The following ZFHX3 variants were observed in gnomAD, a reference collection of about 807,000 sequenced individuals.
ZFHX3 encodes zinc finger homeobox 3.
A neutral mutation model predicts 279.1 loss-of-function variants in ZFHX3; 42 were observed. The observed-to-expected ratio is 0.15, with a 90% CI of 0.12 to 0.19. The LOEUF is 0.19. Among genes scored for constraint, ZFHX3 ranks in the 10% least tolerant of loss-of-function variants. ZFHX3 has a pLI of 1.00. For synonymous variants in ZFHX3, 2,293 were observed against 1,957.8 expected (o/e 1.17, Z -4.52); for missense variants, 4,981 against 4,754.0 (o/e 1.05, Z -1.40).
rs574357922 is a variant in ZFHX3 at position 73,246,788 on chromosome 16, A to C, written c.-1104+10259T>G. ...AACTGACTTCGGTTCCTATATAATA[A>C]AGTTTTATACAAACTAGTAATTCTA... On this transcript the variant is annotated intron_variant, in intron 5 of 17. Transcript: ENST00000641206. Among the ~76,000 whole-genome samples, 30 of 152,308 alleles carry C rather than the reference A, an allele frequency of 2.0e-4. 1 individual carries two copies. Among genetic ancestry groups the C allele is most frequent in the Admixed American group, 5.2e-4 (8 of 15,294 alleles).
At chr16:73,653,420 T>G (rs1180229758) in intron 2 of ZFHX3, among the ~76,000 whole-genome samples, 2 of 152,036 alleles carry the variant, frequency 1.3e-5, no homozygotes, top group Non-Finnish European at 2.9e-5. Context: ...TAAACAGAAA[T>G]CATTAAACAA....
chr16:73,449,969 C>A (rs1200737865), intron 3 of ZFHX3, among the ~76,000 whole-genome samples: 1 of 151,952 alleles, frequency 6.6e-6, no homozygotes, highest in Non-Finnish European at 1.5e-5. Flanking sequence ...CAATGTCTAC[C>A]CATTAAATGC....
At chr16:73,747,582 T>TAAC (rs966737232) in intron 1 of ZFHX3, among the ~76,000 whole-genome samples, 2 of 152,080 alleles carry the variant, frequency 1.3e-5, no homozygotes, top group Admixed American at 6.6e-5. Context: ...CCTATGGATT[T>TAAC]AACAACAACA....
intron 3 of ZFHX3, among the ~76,000 whole-genome samples, chr16:73,425,524 G>C (rs1400089669): frequency 1.3e-5 from 2 of 152,202 alleles, no homozygotes; most frequent in Non-Finnish European, 2.9e-5. Flanking sequence ...CTTATGGCTG[G>C]TATGTAGAAA....
chr16:72,822,510 T>A (rs1567533778), intron 5 of ZFHX3, among the ~76,000 whole-genome samples: 1 of 152,010 alleles, frequency 6.6e-6, no homozygotes, highest in East Asian at 1.9e-4. Context: ...TGCTCTAATA[T>A]CCCCCATGGA....
At chr16:73,316,209 A>C (rs1357882717) in intron 4 of ZFHX3, among the ~76,000 whole-genome samples, 1 of 152,256 alleles carries the variant, frequency 6.6e-6, no homozygotes, top group Non-Finnish European at 1.5e-5. Context: ...TCTATCTTGC[A>C]GTATAACCCT....
intron 4 of ZFHX3, among the ~76,000 whole-genome samples, chr16:72,875,151 C>G (rs955576413): frequency 2.6e-5 from 4 of 152,260 alleles, no homozygotes; most frequent in African/African-American, 4.8e-5. Flanking sequence ...CTGCCCCTTA[C>G]TGGCTCAGGG....
intron 2 of ZFHX3, among the ~76,000 whole-genome samples, chr16:73,555,769 T>C (rs112005634): frequency 0.027 from 4,082 of 150,526 alleles, 199 homozygotes; most frequent in African/African-American, 0.095. Flanking sequence ...GAGGCGGAGG[T>C]TGCAGTGATC....
chr16:72,803,346 A>G (rs1280129397), intron 7 of ZFHX3, among the ~76,000 whole-genome samples: 1 of 152,054 alleles, frequency 6.6e-6, no homozygotes, highest in African/African-American at 2.4e-5. Flanking sequence ...CAATCAATCA[A>G]TCAATCCATC....
At chr16:73,166,490 C>T (rs1967371095) in intron 5 of ZFHX3, among the ~76,000 whole-genome samples, 1 of 150,856 alleles carries the variant, frequency 6.6e-6, no homozygotes, top group South Asian at 2.1e-4. Context: ...TAGACGAAGC[C>T]ACCAAGAGAG....
intron 2 of ZFHX3, among the ~76,000 whole-genome samples, chr16:73,594,752 G>A (rs888574150): frequency 6.6e-6 from 1 of 152,188 alleles, no homozygotes; most frequent in African/African-American, 2.4e-5. Context: ...ATATTTTATC[G>A]TGTAGTTCCA....
rs564605897 is a variant in ZFHX3, at chr16:72,784,113, C to T, written c.*3051G>A. 5.9e-5 allele frequency: 9 copies of T among 152,668 alleles called. No individual in the cohort carries two copies. The highest frequency in any genetic ancestry group is 1.2e-4 in the Non-Finnish European group (8 of 68,032). The allele number at this position is 152,668 out of a possible 1,614,324, so 9.5% of individuals were successfully genotyped here. ...AACAATCACATAACCCCTCTGAGAACACTAGGTGGGTGGAAGTGTGCTCAG... is the reference window on the plus strand; with the variant it reads ...AACAATCACATAACCCCTCTGAGAATACTAGGTGGGTGGAAGTGTGCTCAG... On this transcript the variant is annotated 3_prime_UTR_variant, in exon 10 of 10. Transcript: ENST00000268489.
chr16:73,821,680 G>A (rs1290935376), intron 1 of ZFHX3, among the ~76,000 whole-genome samples: 1 of 152,224 alleles, frequency 6.6e-6, no homozygotes, highest in Non-Finnish European at 1.5e-5. Flanking sequence ...AGATTGTGAA[G>A]TTTACACTTA....
intron 1 of ZFHX3, among the ~76,000 whole-genome samples, chr16:73,024,837 G>A (rs1964437702): frequency 6.6e-6 from 1 of 152,192 alleles, no homozygotes; most frequent in South Asian, 2.1e-4. Context: ...GGACCAGAGG[G>A]TCTGGCTGTG....
intron 1 of ZFHX3, among the ~76,000 whole-genome samples, chr16:72,977,067 G>A (rs1025336216): frequency 1.3e-4 from 20 of 152,290 alleles, no homozygotes; most frequent in African/African-American, 4.6e-4. Context: ...CCACTGAACC[G>A]GCCTACACAT....
At chr16:72,909,877 C>CAAAAAAAAAAAA (rs66982395) in intron 3 of ZFHX3, among the ~76,000 whole-genome samples, 1 of 82,324 alleles carries the variant, frequency 1.2e-5, no homozygotes, top group African/African-American at 4.8e-5. Context: ...CACCGTGTCT[C>CAAAAAAAAAAAA]AAAAAAAAAA....
intron 1 of ZFHX3, among the ~76,000 whole-genome samples, chr16:73,695,947 G>C (rs1328136025): frequency 6.6e-6 from 1 of 152,196 alleles, no homozygotes; most frequent in Non-Finnish European, 1.5e-5. Flanking sequence ...GGGTAAGGGA[G>C]GTGGAAACTG....
intron 3 of ZFHX3, among the ~76,000 whole-genome samples, chr16:73,455,247 G>A (rs1480265640): frequency 6.6e-6 from 1 of 152,184 alleles, no homozygotes; most frequent in Non-Finnish European, 1.5e-5. Flanking sequence ...TTATCTGAGA[G>A]GTCCAAATGC....
At chr16:73,074,343 T>C (rs1965860358) in intron 8 of ZFHX3, among the ~76,000 whole-genome samples, 1 of 152,200 alleles carries the variant, frequency 6.6e-6, no homozygotes, top group African/African-American at 2.4e-5. Context: ...TGTGTAAAAC[T>C]GTACGGAAAC....
Sources: allele counts gnomAD v4.1 joint callset (sites outside exome capture counted in the v4.1 genomes callset), GRCh38; gene constraint gnomAD v4.1.1; transcripts MANE v1.5; gene names NCBI Gene and HGNC (gene_info 2026-07-23, HGNC 2026-07-21).